ARID1A: variants seen among roughly 807,000 people sequenced by gnomAD.
ARID1A encodes the protein AT-rich interaction domain 1A.
Under a neutral mutation model 212.6 loss-of-function variants are expected in ARID1A, and 20 were observed. The observed-to-expected ratio is 0.09, with a 90% CI of 0.07 to 0.14. The LOEUF (loss-of-function observed/expected upper bound fraction) is 0.14. Ranked by LOEUF, ARID1A falls within the 10% of genes least tolerant of loss-of-function variation. The pLI is 1.00. For missense variants in ARID1A, 2,587 were observed against 3,059.0 expected (o/e 0.85, Z 3.64); for synonymous variants, 1,376 against 1,222.1 (o/e 1.13, Z -2.63).
intron 1 of ARID1A, among the ~76,000 whole-genome samples, chr1:26,722,826 C>T (rs1247885001): frequency 3.3e-5 from 5 of 152,106 alleles, no homozygotes; most frequent in Non-Finnish European, 7.3e-5. Context: ...ATTTTCCTGT[C>T]ATCAGCTTGG....
At chr1:26,769,394 G>GT (rs1557612838) in intron 11 of ARID1A, 1 of 152,244 alleles carries the variant, frequency 6.6e-6, no homozygotes, top group African/African-American at 2.4e-5. Context: ...AAGTTAGTTT[G>GT]TGAAGGCTCC....
chr1:26,729,892 C>T (rs2124785949), intron 2 of ARID1A, 29 bp downstream of exon 2: 1 of 1,602,412 alleles, frequency 6.2e-7, no homozygotes, highest in South Asian at 1.1e-5. Flanking sequence ...TACCTTGACC[C>T]TTGTTGCTGT....
intron 1 of ARID1A, 38 bp from the exon 2 acceptor site, chr1:26,729,613 T>A (rs531306488): frequency 6.2e-7 from 1 of 1,607,776 alleles, no homozygotes; most frequent in South Asian, 1.1e-5. Context: ...CCAGAGGCCA[T>A]CAAAGCTCAG....
At chr1:26,775,973 A>T (rs1358925711) in intron 19 of ARID1A, 3 of 584,444 alleles carry the variant, frequency 5.1e-6, no homozygotes. Context: ...ATTCAGATTC[A>T]ATCGATGCCA....
rs2080916756 is a variant in ARID1A, at chr1:26,755,108, A to G, written c.1921-5748A>G. ...TGGGTAACAGCCAGACCCTGACTCA[A>G]AAAAAACCAAACCAAAACCAAAATG... On this transcript the variant is annotated intron_variant, in intron 4 of 19. Transcript: ENST00000324856. Among the ~76,000 whole-genome samples the G allele has an allele frequency of 2.6e-5, 4 of 152,236 alleles. 1 individual carries two copies. The South Asian group carries it at 8.3e-4, about 32-fold the overall frequency.
intron 1 of ARID1A, among the ~76,000 whole-genome samples, chr1:26,708,968 T>A (rs1406577927): frequency 6.6e-6 from 1 of 152,148 alleles, no homozygotes; most frequent in African/African-American, 2.4e-5. Flanking sequence ...GTGCTGGGAT[T>A]ACAGGTGTGA....
rs755072824 is a variant in ARID1A at position 26,780,693 on chromosome 1, G to A, written c.6795G>A (p.Pro2265=). 7.5e-6 allele frequency: 12 copies of A among 1,597,586 alleles called. No homozygotes were observed. Among genetic ancestry groups the A allele is most frequent in the African/African-American group, 2.7e-5 (2 of 74,816 alleles). ...GGCTGTTGGACATCTCGGTATCACC[G>A]TTGATGAACTCATTGGTTTCACAAG... The part of the protein sequence containing the change: ...ESRLLDISVS[P]LMNSLVSQVI... The change falls in exon 20 of 20, where the codon CCG becomes CCA. Residue 2265 remains proline (P), a synonymous_variant. Transcript: ENST00000324856. The surrounding 1 kb of genome is among the most constrained non-coding windows in gnomAD (Gnocchi z 7.2).
rs538974843 is a variant in ARID1A, at chr1:26,773,504, T to A, written c.3866+8T>A. On this transcript the variant is annotated splice_region_variant and intron_variant, in intron 15 of 19. Coordinates refer to ENST00000324856, the MANE Select transcript of ARID1A (RefSeq NM_006015.6). ...TCCTTATGACAGAGTGAGGTAAGCA[T>A]GACCCCAGCTCCTGTCCACTCCCCC... 7.4e-6 allele frequency: 12 copies of A among 1,612,622 alleles called. No individual in the cohort carries two copies. The East Asian group carries it at 2.2e-4, about 30-fold the overall frequency.
chr1:26,700,848 T>G lies in ARID1A; in HGVS notation c.1137+3308T>G, dbSNP rs148624259. Among the ~76,000 whole-genome samples, 23 of 152,232 alleles carry G rather than the reference T, an allele frequency of 1.5e-4. No individual in the cohort carries two copies. The East Asian group carries it at 2.9e-3, about 19-fold the overall frequency. ...AGGAAAACCACACTGAGATGGCACT[T>G]TAGTTGTGGGGGTTTCATGTTTCTC... is the stretch of plus-strand genomic sequence containing the variant. On this transcript the variant is annotated intron_variant, in intron 1 of 19. Transcript: ENST00000324856.
chr1:26,727,386 GT>G (rs774672457), intron 1 of ARID1A, among the ~76,000 whole-genome samples: 2 of 152,192 alleles, frequency 1.3e-5, no homozygotes, highest in Non-Finnish European at 2.9e-5. Flanking sequence ...GCCACATGTA[GT>G]TATGTGAATT....
chr1:26,771,412 CAACA>C lies in ARID1A; in HGVS notation c.3406+87_3406+90del. ...TCAGGATATGAATAAGAGGCTTATCCAACAGGATATGCCAAGGATCTGTGCTCTG... is the reference window on the plus strand; with the variant it reads ...TCAGGATATGAATAAGAGGCTTATCCGGATATGCCAAGGATCTGTGCTCTG... On this transcript the variant is annotated intron_variant, in intron 12 of 19. Coordinates refer to ENST00000324856, the MANE Select transcript of ARID1A (RefSeq NM_006015.6). This position sits in a 1 kb window ranked among gnomAD's most constrained non-coding sequence, Gnocchi z 5.4. 7.2e-7 allele frequency: 1 copy of C among 1,383,948 alleles called. No individual in the cohort carries two copies. Among genetic ancestry groups the C allele is most frequent in the Non-Finnish European group, 1.0e-6 (1 of 996,004 alleles). 85.7% of individuals were successfully genotyped at this position (1,383,948 alleles called of 1,614,324 possible).
intron 11 of ARID1A, chr1:26,770,881 C>T: frequency 3.9e-6 from 2 of 513,320 alleles, no homozygotes; most frequent in East Asian, 6.4e-5. Flanking sequence ...TGAAATTTGC[C>T]CTGTTGTGAA....
At chr1:26,714,132 A>G (rs913948385) in intron 1 of ARID1A, among the ~76,000 whole-genome samples, 17 of 152,262 alleles carry the variant, frequency 1.1e-4, no homozygotes, top group Admixed American at 5.9e-4. Context: ...TATACTGGCC[A>G]GAGATGGCAA....
rs2124097418 is a variant in ARID1A at position 26,771,205 on chromosome 1, G to A, written c.3285G>A (p.Gln1095=). Residue 1095 remains glutamine (Q), a synonymous_variant, in exon 12 of 20, where the codon CAG becomes CAA. Transcript: ENST00000324856. This position sits in a 1 kb window ranked among gnomAD's most constrained non-coding sequence, Gnocchi z 5.4. Reference sequence around the variant, plus strand: ...GTGCTGCCAGCTCCTTGAAAAAGCAGTATATCCAGTGTCTCTATGCCTTTG... The same window carrying A: ...GTGCTGCCAGCTCCTTGAAAAAGCAATATATCCAGTGTCTCTATGCCTTTG... ...SSSAASSLKK[Q]YIQCLYAFEC... 1 of 1,614,216 alleles carries A rather than the reference G, an allele frequency of 6.2e-7. No homozygotes were observed. The highest frequency in any genetic ancestry group is 2.2e-5 in the East Asian group (1 of 44,886).
intron 1 of ARID1A, among the ~76,000 whole-genome samples, chr1:26,711,610 T>G (rs76476217): frequency 1.3e-5 from 2 of 152,214 alleles, no homozygotes; most frequent in Admixed American, 6.5e-5. Context: ...AAAATACTTT[T>G]GAGATGGACC....
chr1:26,758,138 T>C (rs1243913114), intron 4 of ARID1A, among the ~76,000 whole-genome samples: 3 of 152,112 alleles, frequency 2.0e-5, no homozygotes, highest in African/African-American at 4.8e-5. Context: ...TAAAACAGCA[T>C]TGAGCTGTGG....
chr1:26,779,606 C>A lies in ARID1A; in HGVS notation c.5708C>A (p.Pro1903Gln), dbSNP rs2081171604. 1 of 1,614,130 alleles carries A rather than the reference C, an allele frequency of 6.2e-7. No individual in the cohort carries two copies. Among genetic ancestry groups the A allele is most frequent in the Non-Finnish European group, 8.5e-7 (1 of 1,180,034 alleles). ...GAGGGGCCCCCACCTGATGGACCTCCAGAAAAACGGATCACAGCCACTATG... is the reference window on the plus strand; with the variant it reads ...GAGGGGCCCCCACCTGATGGACCTCAAGAAAAACGGATCACAGCCACTATG... ...DQEGPPPDGP[P>Q]EKRITATMDD... Residue 1903 changes from proline (P) to glutamine (Q), a missense_variant, in exon 20 of 20, where the codon CCA becomes CAA. Pro to Gln is a moderately conservative substitution (Grantham distance 76). Transcript: ENST00000324856.
intron 1 of ARID1A, among the ~76,000 whole-genome samples, chr1:26,723,968 T>C (rs2080592028): frequency 6.6e-6 from 1 of 152,086 alleles, no homozygotes; most frequent in African/African-American, 2.4e-5. Context: ...TTGAGATGAG[T>C]TATAAATAGC....
intron 4 of ARID1A, among the ~76,000 whole-genome samples, chr1:26,753,466 G>A (rs1284389395): frequency 1.3e-5 from 2 of 152,244 alleles, no homozygotes; most frequent in Non-Finnish European, 2.9e-5. Flanking sequence ...CTGAAGAAAT[G>A]AAGGCTTTCA....
Sources: allele counts gnomAD v4.1 joint callset (sites outside exome capture counted in the v4.1 genomes callset), GRCh38; gene constraint gnomAD v4.1.1; non-coding constraint Gnocchi (gnomAD v3.1); transcripts MANE v1.5; gene names NCBI Gene and HGNC (gene_info 2026-07-23, HGNC 2026-07-21).